PDE4D: variants seen among roughly 807,000 people sequenced by gnomAD.
The protein encoded by PDE4D is 3',5'-cyclic-AMP phosphodiesterase 4D.
A neutral mutation model predicts 87.4 loss-of-function variants in PDE4D; 24 were observed. That is an observed-to-expected ratio of 0.27 (90% CI 0.20 to 0.39). PDE4D has a LOEUF of 0.39. PDE4D is among the 10% of genes least tolerant of loss of function. PDE4D has a pLI of 1.00. For missense variants in PDE4D, 714 were observed against 1,041.0 expected (o/e 0.69, Z 4.32); for synonymous variants, 384 against 383.2 (o/e 1.00, Z -0.02).
intron 1 of PDE4D, among the ~76,000 whole-genome samples, chr5:59,605,902 C>G (rs1383774622): frequency 2.0e-5 from 3 of 151,984 alleles, no homozygotes; most frequent in Non-Finnish European, 4.4e-5. Context: ...ACTCATTAGA[C>G]AGGTAGTCAG....
intron 1 of PDE4D, among the ~76,000 whole-genome samples, chr5:60,333,076 C>T (rs1047474347): frequency 2.6e-5 from 4 of 152,148 alleles, no homozygotes; most frequent in African/African-American, 9.7e-5. Context: ...TCCTCTAGGT[C>T]TCTTCATTAC....
intron 1 of PDE4D, chr5:59,276,132 A>T (rs1764765642): frequency 2.0e-6 from 2 of 983,432 alleles, no homozygotes; most frequent in Non-Finnish European, 2.4e-6. Flanking sequence ...GAAAAAAAAA[A>T]AAAAAAAAAA....
intron 2 of PDE4D, among the ~76,000 whole-genome samples, chr5:60,162,929 T>C (rs940302160): frequency 2.6e-5 from 4 of 152,174 alleles, no homozygotes; most frequent in African/African-American, 7.2e-5. Context: ...AAATGGTTCA[T>C]TCCTAGTCCC....
At chr5:60,240,833 C>T (rs1747028577) in intron 1 of PDE4D, among the ~76,000 whole-genome samples, 1 of 152,044 alleles carries the variant, frequency 6.6e-6, no homozygotes, top group South Asian at 2.1e-4. Flanking sequence ...TTTGTGGTAC[C>T]CCCGATGCAG....
chr5:59,834,714 C>A (rs1741744788), intron 1 of PDE4D, among the ~76,000 whole-genome samples: 1 of 152,034 alleles, frequency 6.6e-6, no homozygotes, highest in African/African-American at 2.4e-5. Flanking sequence ...AAATCAAATA[C>A]ATTTCTGAAC....
At chr5:59,486,055 C>T (rs1805092302) in intron 1 of PDE4D, among the ~76,000 whole-genome samples, 1 of 152,010 alleles carries the variant, frequency 6.6e-6, no homozygotes, top group African/African-American at 2.4e-5. Context: ...CTTCTGATTC[C>T]TTCAATTATT....
At chr5:59,520,106 C>CA (rs901215868) in intron 1 of PDE4D, among the ~76,000 whole-genome samples, 1 of 151,940 alleles carries the variant, frequency 6.6e-6, no homozygotes, top group Non-Finnish European at 1.5e-5. Flanking sequence ...ACTCATAATA[C>CA]AAAAAAATTA....
intron 2 of PDE4D, among the ~76,000 whole-genome samples, chr5:60,164,845 A>C (rs1343208379): frequency 1.3e-5 from 2 of 152,200 alleles, no homozygotes; most frequent in Admixed American, 6.5e-5. Context: ...GGAATAGTTA[A>C]ATCTAGCTAA....
At chr5:59,599,878 G>T (rs1272037889) in intron 1 of PDE4D, among the ~76,000 whole-genome samples, 1 of 152,164 alleles carries the variant, frequency 6.6e-6, no homozygotes. Context: ...GAAGAAAAGA[G>T]TTTTGTTTTG....
chr5:59,312,083 G>A (rs1286726592), intron 1 of PDE4D, among the ~76,000 whole-genome samples: 1 of 152,010 alleles, frequency 6.6e-6, no homozygotes, highest in Non-Finnish European at 1.5e-5. Flanking sequence ...CTTTACACCG[G>A]GCTCCTTAGT....
At chr5:59,648,401 T>C (rs1176375889) in intron 1 of PDE4D, among the ~76,000 whole-genome samples, 13 of 152,208 alleles carry the variant, frequency 8.5e-5, no homozygotes, top group Admixed American at 7.9e-4. Flanking sequence ...TTAAATATGG[T>C]TAACATTTTC....
chr5:60,298,914 T>C (rs1316184491), intron 1 of PDE4D, among the ~76,000 whole-genome samples: 1 of 152,214 alleles, frequency 6.6e-6, no homozygotes, highest in Non-Finnish European at 1.5e-5. Context: ...GATTCTGTTA[T>C]ATTTCAACAG....
intron 1 of PDE4D, among the ~76,000 whole-genome samples, chr5:60,518,312 C>T (rs1484595159): frequency 6.6e-6 from 1 of 152,200 alleles, no homozygotes; most frequent in Non-Finnish European, 1.5e-5. Context: ...CCAGTGGGCC[C>T]GAGCAAAACT....
At position 59,603,038 on chromosome 5, in the gene PDE4D, T is replaced by C. The variant is rs186680965; in HGVS notation, c.455+290130A>G. Among the ~76,000 whole-genome samples, 6 of 151,952 alleles carry C rather than the reference T, an allele frequency of 3.9e-5. No individual in the cohort carries two copies. In the East Asian group the frequency reaches 1.2e-3, roughly 29 times the overall value. ...CATACCATATATAAAAATCAACCTA[T>C]AGTGGATGAAAGACATAAATGTAAG... is the stretch of plus-strand genomic sequence containing the variant. On this transcript the variant is annotated intron_variant, in intron 1 of 14. Coordinates refer to ENST00000340635, the MANE Select transcript of PDE4D (RefSeq NM_001104631.2).
At chr5:60,001,504 C>T (rs1360935128) in intron 2 of PDE4D, among the ~76,000 whole-genome samples, 1 of 151,998 alleles carries the variant, frequency 6.6e-6, no homozygotes, top group Non-Finnish European at 1.5e-5. Flanking sequence ...TAATGTGATT[C>T]TTCAAGTTGG....
intron 1 of PDE4D, among the ~76,000 whole-genome samples, chr5:59,330,416 C>T (rs1312581370): frequency 3.3e-5 from 5 of 152,038 alleles, no homozygotes; most frequent in African/African-American, 1.2e-4. Context: ...GGCATTCTCC[C>T]CACCTCCTCC....
intron 6 of PDE4D, 28 bp downstream of exon 6, chr5:59,038,831 C>T: frequency 1.4e-6 from 2 of 1,455,840 alleles, no homozygotes; most frequent in Non-Finnish European, 9.1e-7. Context: ...AGCCTGGGGG[C>T]ACCAGTGACA....
intron 5 of PDE4D, among the ~76,000 whole-genome samples, chr5:59,107,390 GTA>G (rs1470203045): frequency 6.6e-6 from 1 of 152,084 alleles, no homozygotes; most frequent in Non-Finnish European, 1.5e-5. Flanking sequence ...TGCATTTTTA[GTA>G]GAGACGGGGT....
At chr5:60,459,636 A>G (rs779454037) in intron 1 of PDE4D, among the ~76,000 whole-genome samples, 3 of 152,106 alleles carry the variant, frequency 2.0e-5, no homozygotes, top group Non-Finnish European at 4.4e-5. Context: ...GTTTTTGTTC[A>G]GACAGAAAGG....
Sources: gnomAD v4.1 joint callset for allele counts (sites outside exome capture counted in the v4.1 genomes callset) on GRCh38, gnomAD v4.1.1 for gene constraint, MANE v1.5 for transcripts, NCBI Gene and HGNC (gene_info 2026-07-23, HGNC 2026-07-21) for gene names.